HEBP1: variants seen among roughly 807,000 people sequenced by gnomAD.
The protein encoded by HEBP1 is heme binding protein 1.
A neutral mutation model predicts 20.4 loss-of-function variants in HEBP1; 13 were observed. The ratio of observed to expected loss-of-function variants is 0.64; its 90% CI spans 0.42 to 1.01. The LOEUF (loss-of-function observed/expected upper bound fraction) is 1.01. Among genes scored for constraint, HEBP1 ranks in the 50% least tolerant of loss-of-function variants. HEBP1 has a pLI of 0.00. For synonymous variants in HEBP1, 92 were observed against 90.7 expected, an observed-to-expected ratio of 1.01 and a Z score of -0.08; for missense variants, 241 against 247.3, an observed-to-expected ratio of 0.97 and a Z score of 0.17.
At chr12:12,991,336 C>T (rs16908581) in intron 1 of HEBP1, among the ~76,000 whole-genome samples, 15,455 of 152,214 alleles carry the variant, frequency 0.1, 1,960 homozygotes, top group African/African-American at 0.3. Context: ...CTGACTGTAG[C>T]TCTGTTCACA....
intron 3 of HEBP1, chr12:12,979,840 C>G (rs1361814449): frequency 1.3e-5 from 2 of 152,134 alleles, no homozygotes; most frequent in Admixed American, 6.5e-5. Flanking sequence ...GAATCTCAAA[C>G]ATACACACAC....
intron 1 of HEBP1, among the ~76,000 whole-genome samples, chr12:12,990,879 C>T (rs1029831498): frequency 1.3e-5 from 2 of 152,166 alleles, no homozygotes; most frequent in Non-Finnish European, 2.9e-5. Context: ...TGACACCACT[C>T]AGACCAGTAA....
At chr12:12,990,012 G>T (rs564705628) in intron 1 of HEBP1, among the ~76,000 whole-genome samples, 1 of 151,960 alleles carries the variant, frequency 6.6e-6, no homozygotes, top group East Asian at 1.9e-4. Flanking sequence ...GTAGTATTTT[G>T]CATATAACCC....
intron 1 of HEBP1, among the ~76,000 whole-genome samples, chr12:12,993,437 C>T (rs1388889237): frequency 1.3e-5 from 2 of 151,274 alleles, no homozygotes; most frequent in Non-Finnish European, 2.9e-5. Flanking sequence ...TCATGCGATC[C>T]ACCTATGTCA....
chr12:12,983,567 C>T (rs1864113899), intron 3 of HEBP1: 43 of 396,990 alleles, frequency 1.1e-4, no homozygotes, highest in South Asian at 7.8e-4. Context: ...ATTAACATTG[C>T]TTTCAACAGA....
chr12:12,999,973 C>A, intron 1 of HEBP1, 64 bp downstream of exon 1: 1 of 1,168,274 alleles, frequency 8.6e-7, no homozygotes, highest in East Asian at 2.5e-5. Context: ...CCCGCTGCAG[C>A]CCCGACGAGG....
chr12:12,994,447 C>G (rs1864267550), intron 1 of HEBP1, among the ~76,000 whole-genome samples: 1 of 152,100 alleles, frequency 6.6e-6, no homozygotes, highest in South Asian at 2.1e-4. Context: ...ATGTCTGGGT[C>G]TTGAATGGAG....
At chr12:12,991,644 GA>G (rs1246045545) in intron 1 of HEBP1, among the ~76,000 whole-genome samples, 1 of 151,422 alleles carries the variant, frequency 6.6e-6, no homozygotes, top group Non-Finnish European at 1.5e-5. Context: ...TTCACATTTT[GA>G]AAAAAAATCA....
intron 3 of HEBP1, 96 bp downstream of exon 3, chr12:12,987,056 C>T: frequency 1.1e-6 from 1 of 932,536 alleles, no homozygotes; most frequent in Non-Finnish European, 1.6e-6. Context: ...ATTCAGCAAC[C>T]ATAAAAATTT....
intron 3 of HEBP1, among the ~76,000 whole-genome samples, chr12:12,976,602 G>T (rs1272752950): frequency 6.6e-6 from 1 of 152,228 alleles, no homozygotes; most frequent in Admixed American, 6.5e-5. Flanking sequence ...GGTTAGTCAT[G>T]CTGGACAAGC....
At position 12,978,064 on chromosome 12, in the gene HEBP1, A is replaced by G. The variant is rs1057235634; in HGVS notation, c.399-2585T>C. 2.0e-5 allele frequency among the ~76,000 whole-genome samples: 3 copies of G among 152,262 alleles called. No homozygotes were observed. The East Asian group carries it at 5.8e-4, about 29-fold the overall frequency. On this transcript the variant is annotated intron_variant, in intron 3 of 3. Coordinates refer to ENST00000014930, the MANE Select transcript of HEBP1 (RefSeq NM_015987.5). ...ATAAGTTTCACTCACTCATTCACAT[A>G]ATAAACATCTGAGGGGACAGTGGTG... is the stretch of plus-strand genomic sequence containing the variant.
chr12:12,989,510 G>A, intron 1 of HEBP1, 95 bp from the exon 2 acceptor site: 1 of 1,220,094 alleles, frequency 8.2e-7, no homozygotes, highest in Non-Finnish European at 1.2e-6. Flanking sequence ...ACTTTCCTTG[G>A]TGGGTATGGC....
chr12:12,979,981 A>T (rs767673316), intron 3 of HEBP1: 1 of 152,236 alleles, frequency 6.6e-6, no homozygotes, highest in African/African-American at 2.4e-5. Context: ...GCAAAAAATC[A>T]TAATGTGTTA....
At chr12:12,985,760 C>T (rs1864144554) in intron 3 of HEBP1, 2 of 152,108 alleles carry the variant, frequency 1.3e-5, no homozygotes. Flanking sequence ...CACACACACA[C>T]ACATCATATA....
At chr12:12,983,742 A>G in intron 3 of HEBP1, 1 of 456,106 alleles carries the variant, frequency 2.2e-6, no homozygotes, top group South Asian at 1.5e-5. Flanking sequence ...TCAGCTGTTT[A>G]GATTTCAGAG....
intron 3 of HEBP1, among the ~76,000 whole-genome samples, chr12:12,982,202 G>A (rs1048592760): frequency 3.3e-5 from 5 of 152,218 alleles, no homozygotes; most frequent in Non-Finnish European, 7.3e-5. Flanking sequence ...CTAGTGGGGA[G>A]AGGGCAATAA....
rs898825164 is a variant in HEBP1, at chr12:12,975,069, A to C, written c.*239T>G. ...CCAGGATTTTTCTGGTCTATCGCAG[A>C]ATTTTCTACATCAATGAGAAGGATG... On this transcript the variant is annotated 3_prime_UTR_variant, in exon 4 of 4. Coordinates refer to ENST00000014930, the MANE Select transcript of HEBP1 (RefSeq NM_015987.5). The C allele has an allele frequency of 1.4e-5, 5 of 364,882 alleles. No individual in the cohort carries two copies. In the Admixed American group the frequency reaches 2.3e-4, roughly 17 times the overall value. 22.6% of individuals were successfully genotyped at this position (364,882 alleles called of 1,614,324 possible).
intron 3 of HEBP1, chr12:12,979,380 A>T (rs904481596): frequency 2.0e-5 from 3 of 152,578 alleles, no homozygotes; most frequent in African/African-American, 4.8e-5. Context: ...GAACAGATAC[A>T]TGAGTTCTCC....
At chr12:12,981,188 G>C (rs190381248) in intron 3 of HEBP1, among the ~76,000 whole-genome samples, 11 of 152,350 alleles carry the variant, frequency 7.2e-5, no homozygotes, top group Admixed American at 2.6e-4. Flanking sequence ...CATTGGAACA[G>C]GGTGGGTAGG....
Sources: gnomAD v4.1 joint callset for allele counts (sites outside exome capture counted in the v4.1 genomes callset) on GRCh38, gnomAD v4.1.1 for gene constraint, MANE v1.5 for transcripts, NCBI Gene and HGNC (gene_info 2026-07-23, HGNC 2026-07-21) for gene names.